KNTC1: variants seen among roughly 807,000 people sequenced by gnomAD.
KNTC1 encodes the protein kinetochore associated 1.
KNTC1 carries 253 observed loss-of-function variants against 314.4 expected under a neutral mutation model. That is an observed-to-expected ratio of 0.80 (90% CI 0.73 to 0.89). KNTC1 has a LOEUF of 0.89. Among genes scored for constraint, KNTC1 ranks in the 40% least tolerant of loss-of-function variants. The pLI is 0.00. For synonymous variants in KNTC1, 901 were observed against 901.4 expected, an observed-to-expected ratio of 1.00 and a Z score of 0.01; for missense variants, 2,475 against 2,572.9, an observed-to-expected ratio of 0.96 and a Z score of 0.82.
chr12:122,621,599 T>C (rs964461966), intron 60 of KNTC1, among the ~76,000 whole-genome samples: 3 of 152,228 alleles, frequency 2.0e-5, no homozygotes, highest in African/African-American at 7.2e-5. Context: ...CCTCCCAAAG[T>C]GTTGGGATTA....
rs373960185 is a variant in KNTC1 at position 122,532,431 on chromosome 12, T to C, written c.130-2233T>C. Among the ~76,000 whole-genome samples, 86 of 151,940 alleles carry C rather than the reference T, an allele frequency of 5.7e-4. 3 individuals carry two copies. In the South Asian group the frequency reaches 0.017, roughly 30 times the overall value. ...ACCATGTTGAGCAGGATGGTCTCGA[T>C]CTCTTGACCTTGTGATCCACCCACC... On this transcript the variant is annotated intron_variant, in intron 2 of 63. Coordinates refer to ENST00000333479, the MANE Select transcript of KNTC1 (RefSeq NM_014708.6).
intron 20 of KNTC1, among the ~76,000 whole-genome samples, chr12:122,564,727 C>G (rs770240270): frequency 1.3e-5 from 2 of 152,032 alleles, no homozygotes; most frequent in Non-Finnish European, 2.9e-5. Flanking sequence ...CTGCCTCGGC[C>G]TCCCAAAGTG....
chr12:122,554,000 G>A (rs74864444), intron 16 of KNTC1, among the ~76,000 whole-genome samples: 11,202 of 149,686 alleles, frequency 0.075, 544 homozygotes, highest in Middle Eastern at 0.13. Context: ...TTTACTAAGT[G>A]GGTGCTTGCT....
chr12:122,619,514 G>A (rs144953435), intron 59 of KNTC1, among the ~76,000 whole-genome samples: 73 of 152,072 alleles, frequency 4.8e-4, no homozygotes, highest in South Asian at 2.3e-3. Context: ...CCGGGTTCAC[G>A]CCGTTCTCCC....
intron 60 of KNTC1, among the ~76,000 whole-genome samples, chr12:122,620,905 TTAAC>T (rs1874359466): frequency 6.6e-6 from 1 of 152,218 alleles, no homozygotes; most frequent in Non-Finnish European, 1.5e-5. Context: ...GAATAACCCA[TTAAC>T]CCATGTAGGC....
chr12:122,579,371 T>C (rs903098601), intron 31 of KNTC1, among the ~76,000 whole-genome samples: 1 of 152,120 alleles, frequency 6.6e-6, no homozygotes, highest in African/African-American at 2.4e-5. Flanking sequence ...GCCCGTAGTC[T>C]GTATTCTTAA....
intron 34 of KNTC1, 43 bp from the exon 35 acceptor site, chr12:122,584,235 C>G (rs1196017702): frequency 6.9e-7 from 1 of 1,445,992 alleles, no homozygotes; most frequent in African/African-American, 1.4e-5. Flanking sequence ...CGTTCACTTT[C>G]AATGTGAGTA....
Position 122,569,800 on chromosome 12 carries a change from A to T in KNTC1, c.1836A>T (p.Val612=). The change falls in exon 22 of 64, where the codon GTA becomes GTT. Residue 612 remains valine (V), a synonymous_variant. Transcript: ENST00000333479. ...PWFKNDVIPF[V]RRTVPEGQII... ...TTAAAAATGATGTGATTCCATTTGTAAGAAGGACTGTGCCTGAAGGACAGG... is the reference window on the plus strand; with the variant it reads ...TTAAAAATGATGTGATTCCATTTGTTAGAAGGACTGTGCCTGAAGGACAGG... The T allele has an allele frequency of 2.5e-6, 4 of 1,613,442 alleles. No individual in the cohort carries two copies. The highest frequency in any genetic ancestry group is 2.7e-5 in the African/African-American group (2 of 75,034).
In KNTC1 at chr12:122,615,527, G is replaced by T; in HGVS notation, c.6030+1G>T. On this transcript the variant is annotated splice_donor_variant, in intron 57 of 63. Transcript: ENST00000333479. LOFTEE classifies it high-confidence loss of function. ...CTCCAGTATCCATTCTTTATGGCAG[G>T]TATGTAGTTTTTTAAAATAAATTTT... is the stretch of plus-strand genomic sequence containing the variant. The T allele has an allele frequency of 6.6e-7, 1 of 1,521,214 alleles. No individual in the cohort carries two copies. Among genetic ancestry groups the T allele is most frequent in the Non-Finnish European group, 8.9e-7 (1 of 1,128,538 alleles). The allele number at this position is 1,521,214 out of a possible 1,614,324, so 94.2% of individuals were successfully genotyped here.
intron 37 of KNTC1, 92 bp downstream of exon 37, chr12:122,585,866 T>G (rs982412863): frequency 2.5e-6 from 3 of 1,201,976 alleles, no homozygotes. Context: ...CACACAGTAA[T>G]GTGGGCGAAC....
chr12:122,547,387 A>G, intron 10 of KNTC1, 28 bp from the exon 11 acceptor site: 1 of 1,398,706 alleles, frequency 7.1e-7, no homozygotes, highest in Non-Finnish European at 1.0e-6. Context: ...AAAAAAAAGG[A>G]CATGTAAATG....
intron 11 of KNTC1, 82 bp from the exon 12 acceptor site, chr12:122,547,832 CT>C: frequency 1.2e-6 from 1 of 816,450 alleles, no homozygotes; most frequent in South Asian, 1.9e-5. Flanking sequence ...GCAAAGCCTA[CT>C]TTTTTAATCA....
intron 32 of KNTC1, 56 bp downstream of exon 32, chr12:122,580,033 A>T: frequency 4.3e-6 from 5 of 1,174,802 alleles, no homozygotes; most frequent in Non-Finnish European, 6.3e-6. Flanking sequence ...CACCCTCTTC[A>T]GAAAGAGGCA....
rs187246824 is a variant in KNTC1 at position 122,612,670 on chromosome 12, G to A, written c.5623-442G>A. ...CCTGACCTCATGATCCACCCGCCTC[G>A]GCCTCCCAAAGTGCTGGGATTACAG... On this transcript the variant is annotated intron_variant, in intron 53 of 63. Coordinates refer to ENST00000333479, the MANE Select transcript of KNTC1 (RefSeq NM_014708.6). Among the ~76,000 whole-genome samples, 178 of 152,024 alleles carry A rather than the reference G, an allele frequency of 1.2e-3. 5 individuals are homozygous for A. The highest frequency in any genetic ancestry group is 1.8e-4 in the Non-Finnish European group (12 of 67,984).
At position 122,594,333 on chromosome 12, in the gene KNTC1, G is replaced by A. The variant is rs938143715; in HGVS notation, c.4303G>A (p.Ala1435Thr). The change falls in exon 43 of 64, where the codon GCT (alanine) becomes ACT (threonine). Residue 1435 changes from alanine to threonine, a missense_variant. By Grantham distance (58) the Ala-to-Thr change is moderately conservative (BLOSUM62 0). Transcript: ENST00000333479. ...HFLTKKDLIK[A>T]LVENIDMDTS... ...TCTCACCAAGAAAGACCTCATTAAA[G>A]CTCTTGTGGAGAATATAGATATGGA... The A allele has an allele frequency of 6.2e-7, 1 of 1,611,116 alleles. No homozygotes were observed. The highest frequency in any genetic ancestry group is 8.5e-7 in the Non-Finnish European group (1 of 1,177,564).
In KNTC1 at chr12:122,580,694, AC is replaced by A. The variant is rs1257652901; in HGVS notation, c.2982+25del. On this transcript the variant is annotated intron_variant, in intron 33 of 63. Coordinates refer to ENST00000333479, the MANE Select transcript of KNTC1 (RefSeq NM_014708.6). ...AGGTAAACATATTGAGCCATGTTAA[AC>A]ATTATTACTTGACCAATCAGTGCAT... The A allele has an allele frequency of 3.4e-6, 5 of 1,459,150 alleles. No individual in the cohort carries two copies. The African/African-American group carries it at 7.1e-5, about 21-fold the overall frequency. The allele number at this position is 1,459,150 out of a possible 1,614,324, so 90.4% of individuals were successfully genotyped here.
At chr12:122,609,647 C>T (rs759284844) in intron 52 of KNTC1, among the ~76,000 whole-genome samples, 4 of 151,800 alleles carry the variant, frequency 2.6e-5, no homozygotes, top group Non-Finnish European at 5.9e-5. Flanking sequence ...CCTGCGAGGG[C>T]GAGGGTTCCT....
Position 122,602,707 on chromosome 12 carries a change from T to C in KNTC1, c.4792T>C (p.Phe1598Leu), listed in dbSNP as rs1281826815. 6.2e-7 allele frequency: 1 copy of C among 1,613,866 alleles called. No homozygotes were observed. Among genetic ancestry groups the C allele is most frequent in the East Asian group, 2.2e-5 (1 of 44,886 alleles). The part of the protein sequence containing the change: ...QTRLPFHLIF[F>L]GTAQNFWKIL... ...TAGACTGCCTTTTCACCTGATATTC[T>C]TTGGCACAGCACAGAACTTCTGGAA... Residue 1598 changes from phenylalanine (F) to leucine (L), a missense_variant, in exon 46 of 64, where the codon TTT becomes CTT. Phe to Leu is a conservative substitution (Grantham distance 22). Coordinates refer to ENST00000333479, the MANE Select transcript of KNTC1 (RefSeq NM_014708.6).
chr12:122,617,296 G>A (rs1873868048), intron 57 of KNTC1: 1 of 338,482 alleles, frequency 3.0e-6, no homozygotes, highest in Non-Finnish European at 5.9e-6. Context: ...TATTTTTAAT[G>A]CTTGATTATT....
Sources: allele counts gnomAD v4.1 joint callset (sites outside exome capture counted in the v4.1 genomes callset), GRCh38; gene constraint gnomAD v4.1.1; transcripts MANE v1.5; gene names NCBI Gene and HGNC (gene_info 2026-07-23, HGNC 2026-07-21).